The following GNL3L variants were observed in gnomAD, a reference collection of about 807,000 sequenced individuals.
The protein encoded by GNL3L is guanine nucleotide-binding protein-like 3-like protein.
GNL3L carries 4 observed loss-of-function variants against 42.9 expected under a neutral mutation model. The observed-to-expected ratio is 0.09, with a 90% CI of 0.05 to 0.21. The LOEUF is 0.21. Ranked by LOEUF, GNL3L falls within the 10% of genes least tolerant of loss-of-function variation. The pLI is 1.00. For synonymous variants in GNL3L, 159 were observed against 176.3 expected (o/e 0.90, Z 0.78); for missense variants, 412 against 481.7 (o/e 0.86, Z 1.36).
chrX:54,590,269 T>C (rs1303014082), intron 16 of GNL3L, among the ~76,000 whole-genome samples: 1 of 112,264 alleles, frequency 8.9e-6, no homozygotes, highest in Non-Finnish European at 1.9e-5. Context: ...TGAGATGATA[T>C]CTCATTGTAG....
chrX:54,531,667 G>C (rs1428805776), intron 1 of GNL3L, among the ~76,000 whole-genome samples: 1 of 111,219 alleles, frequency 9.0e-6, no homozygotes. Context: ...GTGCAGACCC[G>C]CTTATTCAAA....
chrX:54,554,129 G>GT (rs1246110074), intron 13 of GNL3L, among the ~76,000 whole-genome samples: 2 of 110,924 alleles, frequency 1.8e-5, no homozygotes, highest in African/African-American at 6.6e-5. Context: ...CATGAGGGTA[G>GT]TGGGGCACAG....
chrX:54,625,818 A>G (rs1218201729), downstream of GNL3L, among the ~76,000 whole-genome samples: 1 of 111,418 alleles, frequency 9.0e-6, no homozygotes, highest in Non-Finnish European at 1.9e-5. Context: ...AAATTTTCGG[A>G]CAATGACAAA....
At chrX:54,608,128 T>G (rs910275306) in intron 16 of GNL3L, among the ~76,000 whole-genome samples, 1 of 111,405 alleles carries the variant, frequency 9.0e-6, no homozygotes, top group Non-Finnish European at 1.9e-5. Context: ...GGGTAGTGGT[T>G]GTTTTTGTAT....
In GNL3L at chrX:54,561,028, C is replaced by A. The variant is rs1925251618; in HGVS notation, c.*426C>A. The A allele has an allele frequency of 1.0e-5, 1 of 99,337 alleles. No homozygotes were observed. Among genetic ancestry groups the A allele is most frequent in the African/African-American group, 3.8e-5 (1 of 26,191 alleles). The allele number at this position is 99,337 out of a possible 1,213,427, so 8.2% of individuals were successfully genotyped here. A position where few individuals can be genotyped will look rare whatever the true frequency, so the allele number is the denominator to read the frequency against. On this transcript the variant is annotated 3_prime_UTR_variant, in exon 16 of 16. Coordinates refer to ENST00000360845, the MANE Select transcript of GNL3L (RefSeq NM_001184819.2). Reference sequence around the variant, plus strand: ...CAGAGGTTGCAGTGAGCCCAGACGGCACCATTGCACTCTAGCCTGGGCAAC... The same window carrying A: ...CAGAGGTTGCAGTGAGCCCAGACGGAACCATTGCACTCTAGCCTGGGCAAC...
At chrX:54,540,691 CTTG>C (rs1156963436) in intron 4 of GNL3L, among the ~76,000 whole-genome samples, 6 of 110,833 alleles carry the variant, frequency 5.4e-5, no homozygotes, top group Admixed American at 9.7e-5. Context: ...GGAATTTCAC[CTTG>C]TTGTCCCGGC....
At chrX:54,613,308 A>G (rs1387103127) in intron 16 of GNL3L, among the ~76,000 whole-genome samples, 2 of 111,129 alleles carry the variant, frequency 1.8e-5, no homozygotes, top group Non-Finnish European at 3.8e-5. Context: ...TAAGCTATCT[A>G]TTTCTTTGAA....
At chrX:54,630,722 T>TTC in the GNL3L span, among the ~76,000 whole-genome samples, 1 of 80,209 alleles carries the variant, frequency 1.2e-5, no homozygotes, top group Non-Finnish European at 2.2e-5. Flanking sequence ...CTTTCTTTCT[T>TTC]TCTTTCTTTC....
the GNL3L span, among the ~76,000 whole-genome samples, chrX:54,629,170 CTTTAGGGT>C: frequency 5.1e-4 from 56 of 109,618 alleles, no homozygotes; most frequent in Non-Finnish European, 8.0e-4. Flanking sequence ...CTGGAGGAAT[CTTTAGGGT>C]TTTCTAAGTA....
intron 13 of GNL3L, 73 bp from the exon 14 acceptor site, chrX:54,554,492 C>G: frequency 9.1e-7 from 1 of 1,094,822 alleles, no homozygotes; most frequent in African/African-American, 1.8e-5. Flanking sequence ...GTATCCTTTT[C>G]ACTGAGGCCT....
At chrX:54,579,985 T>TG (rs1925686324) in intron 16 of GNL3L, among the ~76,000 whole-genome samples, 1 of 97,118 alleles carries the variant, frequency 1.0e-5, no homozygotes, top group Non-Finnish European at 2.0e-5. Flanking sequence ...GCCTAAAGTT[T>TG]GTTTTTTTTT....
At chrX:54,596,655 CA>C (rs1182471556) in intron 16 of GNL3L, among the ~76,000 whole-genome samples, 1 of 112,238 alleles carries the variant, frequency 8.9e-6, no homozygotes, top group East Asian at 2.8e-4. Context: ...TGAGTTACCC[CA>C]GGCTCTGGGC....
intron 14 of GNL3L, among the ~76,000 whole-genome samples, chrX:54,556,334 A>G (rs1925094584): frequency 9.0e-6 from 1 of 111,087 alleles, no homozygotes; most frequent in Non-Finnish European, 1.9e-5. Flanking sequence ...ACTACCAAAC[A>G]CATAAAACCA....
chrX:54,616,359 G>C (rs1434369449), intron 16 of GNL3L, among the ~76,000 whole-genome samples: 1 of 112,349 alleles, frequency 8.9e-6, no homozygotes, highest in Non-Finnish European at 1.9e-5. Context: ...CATATTATAT[G>C]CACCAAACTT....
chrX:54,611,908 C>T (rs760146257), intron 16 of GNL3L, among the ~76,000 whole-genome samples: 33 of 111,886 alleles, frequency 2.9e-4, no homozygotes, highest in Non-Finnish European at 5.1e-4. Flanking sequence ...GGTTGTTGGA[C>T]GAAATGTTCT....
At chrX:54,549,224 C>G in intron 9 of GNL3L, among the ~76,000 whole-genome samples, 1 of 111,612 alleles carries the variant, frequency 9.0e-6, no homozygotes, top group Non-Finnish European at 1.9e-5. Context: ...CAGAGGAACA[C>G]ATACACATAG....
At chrX:54,599,884 T>G (rs775376782) in intron 16 of GNL3L, among the ~76,000 whole-genome samples, 1 of 111,506 alleles carries the variant, frequency 9.0e-6, no homozygotes, top group East Asian at 2.8e-4. Context: ...TTAATGTAGT[T>G]TTCTATTCTA....
chrX:54,626,841 C>T, the GNL3L span, among the ~76,000 whole-genome samples: 1 of 111,199 alleles, frequency 9.0e-6, no homozygotes, highest in Non-Finnish European at 1.9e-5. Context: ...AGTTCTTTTG[C>T]CCACTTTTCA....
intron 14 of GNL3L, among the ~76,000 whole-genome samples, chrX:54,557,290 G>T (rs1217353141): frequency 9.1e-6 from 1 of 110,066 alleles, no homozygotes; most frequent in African/African-American, 3.3e-5. Context: ...TTAAGACAGG[G>T]TCTTGCTCTG....
Sources: gnomAD v4.1 joint callset for allele counts (sites outside exome capture counted in the v4.1 genomes callset) on GRCh38, gnomAD v4.1.1 for gene constraint, MANE v1.5 for transcripts, NCBI Gene and HGNC (gene_info 2026-07-23, HGNC 2026-07-21) for gene names.